USP31: variants seen among roughly 807,000 people sequenced by gnomAD.
The protein encoded by USP31 is ubiquitin specific peptidase 31, also known as ubiquitin carboxyl-terminal hydrolase 31.
A neutral mutation model predicts 119.4 loss-of-function variants in USP31; 44 were observed. The ratio of observed to expected loss-of-function variants is 0.37; its 90% confidence interval spans 0.29 to 0.47. USP31 has a LOEUF of 0.47. USP31 is among the 20% of genes least tolerant of loss of function. USP31 has a pLI of 0.99. For synonymous variants in USP31, 749 were observed against 705.6 expected (o/e 1.06, Z -0.97); for missense variants, 1,643 against 1,730.2 (o/e 0.95, Z 0.89).
At chr16:23,125,849 C>A (rs1015887707) in intron 1 of USP31, among the ~76,000 whole-genome samples, 4 of 152,222 alleles carry the variant, frequency 2.6e-5, no homozygotes, top group African/African-American at 9.7e-5. Context: ...TACAGAGAGC[C>A]ATAACCTTCA....
At chr16:23,085,110 T>C in intron 10 of USP31, 121 bp from the exon 11 acceptor site, 1 of 1,408,326 alleles carries the variant, frequency 7.1e-7, no homozygotes, top group South Asian at 1.4e-5. Flanking sequence ...AATCAATGTG[T>C]AAGAAAACAA....
intron 1 of USP31, among the ~76,000 whole-genome samples, chr16:23,119,915 GCTC>G (rs1902613135): frequency 6.6e-6 from 1 of 152,120 alleles, no homozygotes; most frequent in Non-Finnish European, 1.5e-5. Context: ...CACCTTAAAT[GCTC>G]AAGCTGCTCT....
chr16:23,071,945 T>C, intron 15 of USP31, 100 bp downstream of exon 15: 1 of 1,489,812 alleles, frequency 6.7e-7, no homozygotes, highest in Non-Finnish European at 9.0e-7. Flanking sequence ...TGGGTTCTCC[T>C]ACCATCTCCT....
chr16:23,124,013 G>T (rs1902766561), intron 1 of USP31, among the ~76,000 whole-genome samples: 1 of 151,490 alleles, frequency 6.6e-6, no homozygotes, highest in Admixed American at 6.6e-5. Context: ...AAAAAAAGAA[G>T]AAAAGTACAG....
At chr16:23,094,625 T>G (rs935655972) in intron 6 of USP31, among the ~76,000 whole-genome samples, 3 of 151,726 alleles carry the variant, frequency 2.0e-5, no homozygotes, top group Admixed American at 1.3e-4. Context: ...TACAGGCGGG[T>G]GCCTGTCTGG....
At chr16:23,138,509 T>C (rs1596737730) in intron 1 of USP31, among the ~76,000 whole-genome samples, 2 of 152,124 alleles carry the variant, frequency 1.3e-5, no homozygotes, top group South Asian at 4.2e-4. Flanking sequence ...AAAAAGACAA[T>C]CATACCACAA....
At position 23,144,663 on chromosome 16, in the gene USP31, G is replaced by A. The variant is rs1276952235; in HGVS notation, c.633+3975C>T. Among the ~76,000 whole-genome samples, 3 of 151,912 alleles carry A rather than the reference G, an allele frequency of 2.0e-5. No homozygotes were observed. The East Asian group carries it at 5.8e-4, about 29-fold the overall frequency. On this transcript the variant is annotated intron_variant, in intron 1 of 15. Coordinates refer to ENST00000219689, the MANE Select transcript of USP31 (RefSeq NM_020718.4). ...CTCGGCTACTTTTTGTATTTTTTTA[G>A]TAGAGATGGGGTTTCACCATGTTGT... is the stretch of plus-strand genomic sequence containing the variant.
intron 1 of USP31, among the ~76,000 whole-genome samples, chr16:23,140,295 G>A (rs372727901): frequency 1.2e-4 from 19 of 152,122 alleles, no homozygotes; most frequent in South Asian, 6.2e-4. Context: ...TTTTGCTGCC[G>A]AGGGACATTT....
intron 1 of USP31, among the ~76,000 whole-genome samples, chr16:23,142,660 A>G (rs1197838383): frequency 1.3e-5 from 2 of 152,156 alleles, no homozygotes; most frequent in Non-Finnish European, 2.9e-5. Context: ...AAGGCTAGGA[A>G]CTACTCACAC....
At chr16:23,087,425 A>G (rs995620441) in intron 8 of USP31, among the ~76,000 whole-genome samples, 5 of 152,264 alleles carry the variant, frequency 3.3e-5, no homozygotes, top group Non-Finnish European at 7.3e-5. Context: ...TTTACTAAAC[A>G]TCAGCTTAAT....
chr16:23,068,739 G>A lies in USP31; in HGVS notation c.3366C>T (p.Thr1122=). 6.2e-7 allele frequency: 1 copy of A among 1,602,008 alleles called. No individual in the cohort carries two copies. Among genetic ancestry groups the A allele is most frequent in the Non-Finnish European group, 8.5e-7 (1 of 1,174,914 alleles). ...TGGCAGATGTGGAGGAAGCAGTGTA[G>A]GTGAGGGCCGAGGCTGACTTCTGCT... ...PQKQKSASAL[T]YTASSTSAKK... Residue 1122 remains threonine (T), a synonymous_variant, in exon 16 of 16, where the codon ACC becomes ACT. Transcript: ENST00000219689.
rs983573808 is a variant in USP31 at position 23,113,852 on chromosome 16, C to T, written c.634-5669G>A. ...GGGTGCAGTGGCTCACACCTGTAATCCCAGCACTCTGGGAGGCTGAGGCGG... is the reference window on the plus strand; with the variant it reads ...GGGTGCAGTGGCTCACACCTGTAATTCCAGCACTCTGGGAGGCTGAGGCGG... On this transcript the variant is annotated intron_variant, in intron 1 of 15. Transcript: ENST00000219689. Among the ~76,000 whole-genome samples, 3 of 152,254 alleles carry T rather than the reference C, an allele frequency of 2.0e-5. No individual in the cohort carries two copies. The South Asian group carries it at 6.2e-4, about 32-fold the overall frequency.
At position 23,132,031 on chromosome 16, in the gene USP31, G is replaced by A. The variant is rs1454451922; in HGVS notation, c.633+16607C>T. On this transcript the variant is annotated intron_variant, in intron 1 of 15. Transcript: ENST00000219689. ...TGCTACCATCCGAACCCAACAGCTG[G>A]AGGGAAGAAGCAACAGATGTTCAGT... Among the ~76,000 whole-genome samples the A allele has an allele frequency of 3.3e-5, 5 of 152,190 alleles. No individual in the cohort carries two copies. The East Asian group carries it at 9.6e-4, about 29-fold the overall frequency.
intron 8 of USP31, among the ~76,000 whole-genome samples, chr16:23,087,485 T>C (rs912331635): frequency 1.3e-5 from 2 of 152,250 alleles, no homozygotes; most frequent in African/African-American, 4.8e-5. Flanking sequence ...CATATACAGA[T>C]AGACATTCTA....
chr16:23,132,142 G>GACAAGATATCC (rs1903048074), intron 1 of USP31, among the ~76,000 whole-genome samples: 1 of 152,122 alleles, frequency 6.6e-6, no homozygotes, highest in Non-Finnish European at 1.5e-5. Flanking sequence ...TCAAACGAAA[G>GACAAGATATCC]ACAAGATATC....
intron 1 of USP31, among the ~76,000 whole-genome samples, chr16:23,116,402 G>A (rs1265596169): frequency 6.6e-6 from 1 of 152,132 alleles, no homozygotes; most frequent in Non-Finnish European, 1.5e-5. Flanking sequence ...TTACTTTCAG[G>A]ACGCCTACTA....
At chr16:23,087,277 G>T in intron 8 of USP31, 91 bp from the exon 9 acceptor site, 1 of 1,136,244 alleles carries the variant, frequency 8.8e-7, no homozygotes, top group Non-Finnish European at 1.3e-6. Context: ...TAGAGTTACA[G>T]TAAACTGTTT....
At chr16:23,135,731 A>C (rs1388497562) in intron 1 of USP31, among the ~76,000 whole-genome samples, 1 of 152,222 alleles carries the variant, frequency 6.6e-6, no homozygotes, top group East Asian at 1.9e-4. Context: ...TAAAAGACTT[A>C]ATATTGTTAA....
At chr16:23,109,971 T>C (rs1038516559) in intron 1 of USP31, among the ~76,000 whole-genome samples, 1 of 152,046 alleles carries the variant, frequency 6.6e-6, no homozygotes, top group Non-Finnish European at 1.5e-5. Context: ...CAATGTGTTA[T>C]CCCATGGGAG....
Sources: allele counts gnomAD v4.1 joint callset (sites outside exome capture counted in the v4.1 genomes callset), GRCh38; gene constraint gnomAD v4.1.1; transcripts MANE v1.5; gene names NCBI Gene and HGNC (gene_info 2026-07-23, HGNC 2026-07-21).